Variants in LRBA observed in about 807,000 individuals in gnomAD.
The protein encoded by LRBA is lipopolysaccharide-responsive and beige-like anchor protein.
A neutral mutation model predicts 330.0 loss-of-function variants in LRBA; 176 were observed. The observed-to-expected ratio is 0.53, with a 90% CI of 0.47 to 0.60. LRBA has a LOEUF of 0.60. Ranked by LOEUF, LRBA falls within the 20% of genes least tolerant of loss-of-function variation. LRBA has a pLI of 0.00. For synonymous variants in LRBA, 1,230 were observed against 1,193.0 expected (o/e 1.03, Z -0.64); for missense variants, 3,259 against 3,444.8 (o/e 0.95, Z 1.35).
intron 48 of LRBA, among the ~76,000 whole-genome samples, chr4:150,349,175 A>G (rs1317172073): frequency 1.3e-5 from 2 of 152,212 alleles, no homozygotes; most frequent in African/African-American, 4.8e-5. Flanking sequence ...GCATGATCAG[A>G]TCTTAGTAGA....
chr4:150,507,985 A>C (rs1022822505), intron 40 of LRBA, among the ~76,000 whole-genome samples: 2 of 150,316 alleles, frequency 1.3e-5, no homozygotes, highest in South Asian at 4.3e-4. Context: ...AGGACAAAAA[A>C]CCAAACACCG....
At chr4:150,614,380 C>T (rs1450120725) in intron 37 of LRBA, among the ~76,000 whole-genome samples, 2 of 151,864 alleles carry the variant, frequency 1.3e-5, no homozygotes, top group Non-Finnish European at 2.9e-5. Context: ...ATCACTTTCA[C>T]AAGAAAGTGG....
In LRBA at chr4:150,347,065, A is replaced by T. The variant is rs562217751; in HGVS notation, c.7362+2927T>A. The stretch of plus-strand genomic sequence containing the variant: ...GAGAAAGGAAATTGTGATACATTCT[A>T]TAGCATGGACAAATCTTGAAGATAT... On this transcript the variant is annotated intron_variant, in intron 48 of 56. Coordinates refer to ENST00000651943, the MANE Select transcript of LRBA (RefSeq NM_001364905.1). Among the ~76,000 whole-genome samples, 16 of 152,360 alleles carry T rather than the reference A, an allele frequency of 1.1e-4. No homozygotes were observed. The South Asian group carries it at 3.3e-3, about 32-fold the overall frequency.
intron 40 of LRBA, among the ~76,000 whole-genome samples, chr4:150,530,632 A>G (rs1209546120): frequency 2.0e-5 from 3 of 152,156 alleles, no homozygotes; most frequent in Admixed American, 6.5e-5. Context: ...TAAGGAGCCC[A>G]TCATTGTTTC....
intron 37 of LRBA, among the ~76,000 whole-genome samples, chr4:150,651,414 A>G (rs1779698575): frequency 6.6e-6 from 1 of 152,236 alleles, no homozygotes; most frequent in Non-Finnish European, 1.5e-5. Context: ...TATTAATTGA[A>G]GAAATAATGT....
intron 33 of LRBA, among the ~76,000 whole-genome samples, chr4:150,805,437 GGAAGGAAAGGGAAAGGAAA>G (rs1742528920): frequency 3.5e-5 from 3 of 85,866 alleles, no homozygotes; most frequent in South Asian, 3.6e-4. Context: ...GGAAAGGAAA[GGAAGGAAAGGGAAAGGAAA>G]GGAAAGGAAA....
chr4:150,831,049 A>G (rs1267373643), intron 29 of LRBA, among the ~76,000 whole-genome samples: 2 of 151,728 alleles, frequency 1.3e-5, no homozygotes, highest in African/African-American at 4.8e-5. Context: ...ACTGGCGTGA[A>G]CTACCAAGCC....
rs77415694 is a variant in LRBA at position 150,619,614 on chromosome 4, A to C, written c.5922-20483T>G. ...ATTTGTTATTACTATACAGATTCCT[A>C]TATAATTTTGTTATTCCTAAGATTA... On this transcript the variant is annotated intron_variant, in intron 37 of 56. Coordinates refer to ENST00000651943, the MANE Select transcript of LRBA (RefSeq NM_001364905.1). Among the ~76,000 whole-genome samples, 423 of 152,264 alleles carry C rather than the reference A, an allele frequency of 2.8e-3. 2 individuals carry two copies. The highest frequency in any genetic ancestry group is 7.1e-3 in the African/African-American group (295 of 41,544).
At chr4:150,277,784 A>C in intron 56 of LRBA, 69 bp downstream of exon 56, 1 of 1,486,502 alleles carries the variant, frequency 6.7e-7, no homozygotes, top group East Asian at 2.3e-5. Flanking sequence ...TTACAGGTGT[A>C]AGCCAACACG....
chr4:150,628,756 T>C (rs2046968658), intron 37 of LRBA, among the ~76,000 whole-genome samples: 1 of 152,226 alleles, frequency 6.6e-6, no homozygotes, highest in African/African-American at 2.4e-5. Context: ...AACCTACTAG[T>C]TCAAAAAGAT....
intron 2 of LRBA, among the ~76,000 whole-genome samples, chr4:151,007,856 C>A (rs1289763174): frequency 3.5e-5 from 4 of 114,398 alleles, no homozygotes; most frequent in Admixed American, 8.9e-5. Context: ...GACTCCATCT[C>A]AAAAAAAAAA....
At chr4:150,524,201 A>T (rs897940696) in intron 40 of LRBA, among the ~76,000 whole-genome samples, 1 of 152,172 alleles carries the variant, frequency 6.6e-6, no homozygotes, top group Non-Finnish European at 1.5e-5. Flanking sequence ...AAATAGAATA[A>T]TTGGGGCAGG....
At chr4:150,629,266 C>T (rs1450208457) in intron 37 of LRBA, among the ~76,000 whole-genome samples, 1 of 152,198 alleles carries the variant, frequency 6.6e-6, no homozygotes, top group Admixed American at 6.5e-5. Context: ...TTCTTTAGAA[C>T]TATATTCTGC....
intron 2 of LRBA, among the ~76,000 whole-genome samples, chr4:150,968,203 C>T (rs989569534): frequency 1.3e-5 from 2 of 152,024 alleles, no homozygotes; most frequent in Non-Finnish European, 2.9e-5. Context: ...GGGGTTTCAC[C>T]ATGTTGGCCA....
chr4:150,362,064 G>A (rs555295703), intron 47 of LRBA, among the ~76,000 whole-genome samples: 2 of 152,170 alleles, frequency 1.3e-5, no homozygotes, highest in East Asian at 1.9e-4. Context: ...GAGCCACCGC[G>A]CCTCGCCCAT....
chr4:150,967,580 T>C (rs1739043926), intron 2 of LRBA, among the ~76,000 whole-genome samples: 1 of 152,248 alleles, frequency 6.6e-6, no homozygotes, highest in Admixed American at 6.5e-5. Context: ...TTCATGTTAT[T>C]GTTCTTTGCA....
chr4:150,586,603 G>C (rs1414705371), intron 40 of LRBA, among the ~76,000 whole-genome samples: 1 of 152,062 alleles, frequency 6.6e-6, no homozygotes, highest in Non-Finnish European at 1.5e-5. Flanking sequence ...TGAGCCAAAA[G>C]ATCTCCATAT....
rs1207500532 is a variant in LRBA, at chr4:150,831,685, TAAAA to T, written c.4729+128_4729+131del. 8.7e-6 allele frequency: 5 copies of T among 576,868 alleles called. No homozygotes were observed. In the East Asian group the frequency reaches 1.4e-4, roughly 16 times the overall value. 35.7% of individuals were successfully genotyped at this position (576,868 alleles called of 1,614,324 possible). ...TTAAGCCACAACTTTTAGTTAATAATAAAAATATATGTATGCTCTCCCTTAATTT... is the reference window on the plus strand; with the variant it reads ...TTAAGCCACAACTTTTAGTTAATAATATATATGTATGCTCTCCCTTAATTT... On this transcript the variant is annotated intron_variant, in intron 29 of 56. Transcript: ENST00000651943.
chr4:150,582,063 G>C (rs898077469), intron 40 of LRBA: 3 of 151,336 alleles, frequency 2.0e-5, no homozygotes, highest in Admixed American at 6.6e-5. Flanking sequence ...GAGGGGAGAG[G>C]AGGGGGAGAG....
Sources: gnomAD v4.1 joint callset for allele counts (sites outside exome capture counted in the v4.1 genomes callset) on GRCh38, gnomAD v4.1.1 for gene constraint, MANE v1.5 for transcripts, NCBI Gene and HGNC (gene_info 2026-07-23, HGNC 2026-07-21) for gene names.